Variants in CCDC171 observed in about 807,000 individuals in gnomAD.
The protein encoded by CCDC171 is coiled-coil domain containing 171.
A neutral mutation model predicts 168.2 loss-of-function variants in CCDC171; 177 were observed. That is an observed-to-expected ratio of 1.05 (90% confidence interval 0.93 to 1.19). CCDC171 has a LOEUF of 1.19. CCDC171 is among the 50% of genes most tolerant of loss of function. The pLI is 0.00. For synonymous variants in CCDC171, 687 were observed against 540.8 expected (o/e 1.27, Z -3.75); for missense variants, 1,991 against 1,539.0 (o/e 1.29, Z -4.91).
chr9:15,779,734 A>G (rs2057558724), intron 20 of CCDC171, among the ~76,000 whole-genome samples: 1 of 152,222 alleles, frequency 6.6e-6, no homozygotes, highest in Admixed American at 6.5e-5. Context: ...TTCCAAAGAA[A>G]TGTTCAATTT....
chr9:15,921,009 T>C (rs1280187967), intron 25 of CCDC171, among the ~76,000 whole-genome samples: 1 of 151,716 alleles, frequency 6.6e-6, no homozygotes, highest in Non-Finnish European at 1.5e-5. Context: ...TGGGGAGTTT[T>C]AAAAAATGAA....
chr9:15,656,261 G>T (rs4741529), intron 7 of CCDC171, among the ~76,000 whole-genome samples: 1 of 151,462 alleles, frequency 6.6e-6, no homozygotes, highest in Non-Finnish European at 1.5e-5. Context: ...GGTAGAGCTT[G>T]CAGTGAGCCT....
rs143661848 is a variant in CCDC171 at position 15,649,173 on chromosome 9, G to T, written c.823-7954G>T. Among the ~76,000 whole-genome samples the T allele has an allele frequency of 8.3e-3, 1,257 of 152,256 alleles. 14 individuals are homozygous for T. The highest frequency in any genetic ancestry group is 0.049 in the South Asian group (238 of 4,810). On this transcript the variant is annotated intron_variant, in intron 7 of 25. Coordinates refer to ENST00000380701, the MANE Select transcript of CCDC171 (RefSeq NM_173550.4). ...ATGGATTCCCTATTTAATAAATGGT[G>T]CTGGGAAAACTGGCTAGCCATATGT...
chr9:15,592,253 C>T (rs2042056312), intron 5 of CCDC171, among the ~76,000 whole-genome samples: 1 of 151,414 alleles, frequency 6.6e-6, no homozygotes, highest in Non-Finnish European at 1.5e-5. Flanking sequence ...CACTTGAGGC[C>T]AGGAGTTTGA....
At chr9:15,927,455 C>A (rs1405048484) in intron 25 of CCDC171, among the ~76,000 whole-genome samples, 1 of 151,648 alleles carries the variant, frequency 6.6e-6, no homozygotes, top group Non-Finnish European at 1.5e-5. Flanking sequence ...GAATGCCAAA[C>A]CCAAATACTT....
intron 21 of CCDC171, among the ~76,000 whole-genome samples, chr9:15,798,041 T>C (rs372724646): frequency 2.6e-5 from 4 of 152,206 alleles, no homozygotes; most frequent in African/African-American, 9.6e-5. Context: ...TTTTAATTGC[T>C]GTGCCTTTAT....
chr9:15,721,644 C>G, intron 11 of CCDC171, 125 bp from the exon 12 acceptor site: 3 of 371,950 alleles, frequency 8.1e-6, no homozygotes, highest in Non-Finnish European at 9.9e-6. Flanking sequence ...GCTGTATGGC[C>G]AAGTATTAAT....
At chr9:15,744,123 T>G (rs2055087585) in intron 16 of CCDC171, 150 bp from the exon 17 acceptor site, 1 of 643,208 alleles carries the variant, frequency 1.6e-6, no homozygotes, top group Non-Finnish European at 2.6e-6. Flanking sequence ...GCCATGTCTA[T>G]CTTATTTATA....
At chr9:16,095,015 G>C in the CCDC171 span, among the ~76,000 whole-genome samples, 1 of 152,172 alleles carries the variant, frequency 6.6e-6, no homozygotes. Flanking sequence ...CTGGCCATGT[G>C]AGACGTGTAT....
chr9:16,065,966 A>T (rs1349936561), downstream of CCDC171, among the ~76,000 whole-genome samples: 1 of 152,164 alleles, frequency 6.6e-6, no homozygotes, highest in Non-Finnish European at 1.5e-5. Flanking sequence ...TGCAGAAATT[A>T]TCTGGGTACC....
At chr9:15,634,275 TAAAA>T (rs1405929122) in intron 7 of CCDC171, among the ~76,000 whole-genome samples, 1 of 152,110 alleles carries the variant, frequency 6.6e-6, no homozygotes, top group African/African-American at 2.4e-5. Context: ...ATTTGAATAA[TAAAA>T]AAAGTTTCTT....
At chr9:15,871,375 GCTTTTGAAA>G (rs1320034977) in intron 23 of CCDC171, among the ~76,000 whole-genome samples, 1 of 151,724 alleles carries the variant, frequency 6.6e-6, no homozygotes. Context: ...TTAAAGATTG[GCTTTTGAAA>G]TTATAATTTA....
chr9:15,959,859 G>A (rs1018779362), intron 25 of CCDC171, among the ~76,000 whole-genome samples: 2 of 152,154 alleles, frequency 1.3e-5, no homozygotes. Context: ...AATGTTCTGT[G>A]ACAGATACTG....
At chr9:15,765,364 A>T (rs1362097221) in intron 18 of CCDC171, among the ~76,000 whole-genome samples, 1 of 152,146 alleles carries the variant, frequency 6.6e-6, no homozygotes, top group Non-Finnish European at 1.5e-5. Context: ...AACGAATGAA[A>T]GAAAAAAAAA....
the CCDC171 span, among the ~76,000 whole-genome samples, chr9:16,086,522 G>A: frequency 6.6e-6 from 1 of 151,844 alleles, no homozygotes; most frequent in African/African-American, 2.4e-5. Context: ...TGGTCAGGCT[G>A]GTCTCGAACT....
intron 7 of CCDC171, among the ~76,000 whole-genome samples, chr9:15,635,988 G>A (rs1002175796): frequency 1.3e-5 from 2 of 152,144 alleles, no homozygotes; most frequent in African/African-American, 2.4e-5. Flanking sequence ...ACTGTAGTAG[G>A]TGTGAAATGG....
chr9:15,902,517 G>A (rs1199320651), intron 24 of CCDC171, among the ~76,000 whole-genome samples: 1 of 152,070 alleles, frequency 6.6e-6, no homozygotes, highest in Non-Finnish European at 1.5e-5. Flanking sequence ...ACTGTATTAG[G>A]GCATTCTTGC....
chr9:15,623,475 G>GCGCGCGCACGCGCACACA lies in CCDC171; in HGVS notation c.822+63_822+64insGCGCGCACGCGCACACAC. 12 of 315,478 alleles carry GCGCGCGCACGCGCACACA rather than the reference G, an allele frequency of 3.8e-5. 1 individual carries two copies. In the South Asian group the frequency reaches 4.5e-4, roughly 12 times the overall value. The allele number at this position is 315,478 out of a possible 1,614,324, so 19.5% of individuals were successfully genotyped here. The stretch of plus-strand genomic sequence containing the variant: ...CAAACTTTCACATATGCGCGCGCGC[G>GCGCGCGCACGCGCACACA]CACACACACACACACACACACACAC... On this transcript the variant is annotated intron_variant, in intron 7 of 25. Transcript: ENST00000380701.
chr9:15,657,589 T>G (rs2048033117), intron 8 of CCDC171, among the ~76,000 whole-genome samples: 1 of 152,146 alleles, frequency 6.6e-6, no homozygotes, highest in African/African-American at 2.4e-5. Context: ...TTTGAGAACG[T>G]TGAAAAAATG....
Sources: allele counts gnomAD v4.1 joint callset (sites outside exome capture counted in the v4.1 genomes callset), GRCh38; gene constraint gnomAD v4.1.1; transcripts MANE v1.5; gene names NCBI Gene and HGNC (gene_info 2026-07-23, HGNC 2026-07-21).